The following KIF3B variants were observed in gnomAD, a reference collection of about 807,000 sequenced individuals.
The protein encoded by KIF3B is kinesin-like protein KIF3B.
KIF3B carries 38 observed loss-of-function variants against 74.3 expected under a neutral mutation model. The ratio of observed to expected loss-of-function variants is 0.51; its 90% CI spans 0.39 to 0.67. The LOEUF is 0.67. KIF3B is among the 30% of genes least tolerant of loss of function. The pLI is 0.00. For missense variants in KIF3B, 649 were observed against 932.0 expected (o/e 0.70, Z 3.95); for synonymous variants, 326 against 342.5 (o/e 0.95, Z 0.53).
intron 1 of KIF3B, among the ~76,000 whole-genome samples, chr20:32,286,459 G>A (rs1252319290): frequency 6.6e-6 from 1 of 152,142 alleles, no homozygotes; most frequent in African/African-American, 2.4e-5. Flanking sequence ...GATAGTCCTT[G>A]GTGGAAGTAG....
At position 32,310,583 on chromosome 20, in the gene KIF3B, A is replaced by ACCTCTCCCTTTCC; in HGVS notation, c.807_819dup (p.Ala274ProfsTer8). ...AGATTAAAAGAAGCTACCAAGATCA[A>ACCTCTCCCTTTCC]CCTCTCCCTTTCCGCTTTGGGTAAT... On this transcript the variant is annotated frameshift_variant, in exon 2 of 9. Transcript: ENST00000375712. LOFTEE classifies it high-confidence loss of function. This position sits in a 1 kb window ranked among gnomAD's most constrained non-coding sequence, Gnocchi z 6.5. The ACCTCTCCCTTTCC allele has an allele frequency of 6.2e-7, 1 of 1,613,900 alleles. No individual in the cohort carries two copies. Among genetic ancestry groups the ACCTCTCCCTTTCC allele is most frequent in the Non-Finnish European group, 8.5e-7 (1 of 1,179,974 alleles).
Position 32,316,857 on chromosome 20 carries a change from C to T in KIF3B, c.1731C>T (p.Thr577=), listed in dbSNP as rs777044659. Residue 577 remains threonine (T), a synonymous_variant, in exon 5 of 9, where the codon ACC becomes ACT. Coordinates refer to ENST00000375712, the MANE Select transcript of KIF3B (RefSeq NM_004798.4). The part of the protein sequence containing the change: ...QELEQTQNEL[T]RELKLKHLII... Reference sequence around the variant, plus strand: ...TAGAGCAGACTCAGAATGAGCTCACCAGGGAGCTGAAACTCAAGTAAGTGC... The same window carrying T: ...TAGAGCAGACTCAGAATGAGCTCACTAGGGAGCTGAAACTCAAGTAAGTGC... 3 of 1,612,368 alleles carry T rather than the reference C, an allele frequency of 1.9e-6. No homozygotes were observed. The East Asian group carries it at 6.7e-5, about 36-fold the overall frequency.
At chr20:32,330,465 A>G (rs1420516862) in intron 8 of KIF3B, 146 bp downstream of exon 8, 1 of 718,564 alleles carries the variant, frequency 1.4e-6, no homozygotes, top group East Asian at 2.8e-5. Flanking sequence ...TATTTATTCT[A>G]CAAATATTTA....
chr20:32,300,839 TTTGTTGTTGTTG>T (rs145346172), intron 1 of KIF3B, among the ~76,000 whole-genome samples: 109 of 150,698 alleles, frequency 7.2e-4, no homozygotes, highest in African/African-American at 2.3e-3. Context: ...TGCTGAGGAT[TTTGTTGTTGTTG>T]TTGTTGTTGT....
At chr20:32,286,584 A>G (rs146902667) in intron 1 of KIF3B, among the ~76,000 whole-genome samples, 27 of 152,264 alleles carry the variant, frequency 1.8e-4, no homozygotes, top group African/African-American at 6.5e-4. Flanking sequence ...ATTTTTTCCG[A>G]TTATAAAAAT....
At chr20:32,318,597 C>T (rs966111702) in intron 5 of KIF3B, among the ~76,000 whole-genome samples, 2 of 152,124 alleles carry the variant, frequency 1.3e-5, no homozygotes, top group Non-Finnish European at 2.9e-5. Context: ...CTTAGCATGA[C>T]GCTTTCAAGG....
At chr20:32,322,452 A>G (rs1248788016) in intron 5 of KIF3B, among the ~76,000 whole-genome samples, 1 of 149,276 alleles carries the variant, frequency 6.7e-6, no homozygotes, top group Non-Finnish European at 1.5e-5. Flanking sequence ...CTACAAAAAT[A>G]CAGAAATTAG....
At chr20:32,316,899 C>T (rs995658458) in intron 5 of KIF3B, 25 bp downstream of exon 5, 4 of 1,488,554 alleles carry the variant, frequency 2.7e-6, no homozygotes, top group Non-Finnish European at 2.8e-6. Flanking sequence ...TTCCATAGTG[C>T]CCCCAAGCCA....
At position 32,316,814 on chromosome 20, in the gene KIF3B, T is replaced by G; in HGVS notation, c.1688T>G (p.Ile563Ser). The G allele has an allele frequency of 6.2e-7, 1 of 1,613,908 alleles. No individual in the cohort carries two copies. Among genetic ancestry groups the G allele is most frequent in the Non-Finnish European group, 8.5e-7 (1 of 1,179,974 alleles). Reference protein sequence around the residue: ...AEIHDLQEEHIKERQELEQTQ... With the variant: ...AEIHDLQEEHSKERQELEQTQ... The stretch of plus-strand genomic sequence containing the variant: ...ATCCATGACCTCCAAGAAGAACACA[T>G]CAAGGAGCGCCAAGAGCTAGAGCAG... The change falls in exon 5 of 9, where the codon ATC (isoleucine) becomes AGC (serine). Residue 563 changes from isoleucine to serine, a missense_variant. Ile to Ser is a moderately radical substitution (Grantham distance 142, BLOSUM62 -2). Coordinates refer to ENST00000375712, the MANE Select transcript of KIF3B (RefSeq NM_004798.4).
chr20:32,289,730 A>C (rs1250581489), intron 1 of KIF3B, among the ~76,000 whole-genome samples: 1 of 152,238 alleles, frequency 6.6e-6, no homozygotes, highest in Non-Finnish European at 1.5e-5. Context: ...TTTAAAGAAA[A>C]AACGTTAAGT....
chr20:32,300,524 C>G (rs2047738382), intron 1 of KIF3B, among the ~76,000 whole-genome samples: 1 of 152,132 alleles, frequency 6.6e-6, no homozygotes, highest in African/African-American at 2.4e-5. Context: ...TGTGATCTGC[C>G]CACCTCGGCC....
chr20:32,293,232 C>T (rs2047701595), intron 1 of KIF3B, among the ~76,000 whole-genome samples: 1 of 150,548 alleles, frequency 6.6e-6, no homozygotes, highest in Admixed American at 6.6e-5. Flanking sequence ...CCAGCCTGGG[C>T]AACTGAGACT....
In KIF3B at chr20:32,316,286, C is replaced by T. The variant is rs779982186; in HGVS notation, c.1473C>T (p.Ile491=). 5.0e-6 allele frequency: 8 copies of T among 1,613,520 alleles called. No homozygotes were observed. The highest frequency in any genetic ancestry group is 6.8e-6 in the Non-Finnish European group (8 of 1,179,598). ...IVDHTNEQQK[I]LEQKRQEIAE... The stretch of plus-strand genomic sequence containing the variant: ...ATCATACGAATGAACAGCAGAAAAT[C>T]CTGGAGCAGAAACGACAGGAAATTG... The change falls in exon 3 of 9, where the codon ATC becomes ATT. Residue 491 remains isoleucine (I), a synonymous_variant. Coordinates refer to ENST00000375712, the MANE Select transcript of KIF3B (RefSeq NM_004798.4).
At chr20:32,326,690 A>T in intron 5 of KIF3B, 81 bp from the exon 6 acceptor site, 1 of 687,564 alleles carries the variant, frequency 1.5e-6, no homozygotes, top group Non-Finnish European at 2.6e-6. Context: ...TTACCTGATT[A>T]CTCACCATGC....
intron 6 of KIF3B, among the ~76,000 whole-genome samples, chr20:32,327,236 G>T (rs894186800): frequency 2.0e-5 from 3 of 152,170 alleles, no homozygotes; most frequent in African/African-American, 7.2e-5. Flanking sequence ...ACAGTGTTGA[G>T]AAGGATTCTC....
intron 5 of KIF3B, 126 bp from the exon 6 acceptor site, chr20:32,326,645 C>G: frequency 3.3e-6 from 2 of 612,808 alleles, no homozygotes. Context: ...GCCCATCGTA[C>G]TTGCTGAGTA....
At chr20:32,322,812 T>TTA (rs1200572528) in intron 5 of KIF3B, among the ~76,000 whole-genome samples, 7 of 63,462 alleles carry the variant, frequency 1.1e-4, no homozygotes, top group African/African-American at 1.4e-4. Flanking sequence ...TTATATATAT[T>TTA]TATATATATT....
chr20:32,297,044 G>T (rs894752648), intron 1 of KIF3B, among the ~76,000 whole-genome samples: 1 of 152,054 alleles, frequency 6.6e-6, no homozygotes, highest in Non-Finnish European at 1.5e-5. Context: ...TGCTTCCCCC[G>T]AGAGAAGCCT....
At chr20:32,285,843 C>G (rs2047665351) in intron 1 of KIF3B, among the ~76,000 whole-genome samples, 2 of 152,276 alleles carry the variant, frequency 1.3e-5, no homozygotes, top group African/African-American at 4.8e-5. Flanking sequence ...GAGAGCATTA[C>G]AATCAGCTCA....
Sources: allele counts gnomAD v4.1 joint callset (sites outside exome capture counted in the v4.1 genomes callset), GRCh38; gene constraint gnomAD v4.1.1; non-coding constraint Gnocchi (gnomAD v3.1); transcripts MANE v1.5; gene names NCBI Gene and HGNC (gene_info 2026-07-23, HGNC 2026-07-21).